Variants in EXOSC7 observed in about 807,000 individuals in gnomAD.
EXOSC7 encodes exosome component 7, also known as exosome complex component RRP42.
EXOSC7 carries 25 observed loss-of-function variants against 34.3 expected under a neutral mutation model. The observed-to-expected ratio is 0.73, with a 90% CI of 0.53 to 1.02. The LOEUF (loss-of-function observed/expected upper bound fraction) is 1.02. Among genes scored for constraint, EXOSC7 ranks in the 50% least tolerant of loss-of-function variants. EXOSC7 has a pLI of 0.00. For synonymous variants in EXOSC7, 130 were observed against 143.0 expected, an observed-to-expected ratio of 0.91 and a Z score of 0.65; for missense variants, 370 against 368.5, an observed-to-expected ratio of 1.00 and a Z score of -0.03.
At chr3:44,996,900 G>T (rs956232310) in intron 3 of EXOSC7, among the ~76,000 whole-genome samples, 187 bp from the exon 4 acceptor site, 7 of 152,214 alleles carry the variant, frequency 4.6e-5, no homozygotes, top group African/African-American at 1.7e-4. Context: ...CACAGTGCTG[G>T]TCTGGTTCAT....
intron 7 of EXOSC7, among the ~76,000 whole-genome samples, chr3:45,008,467 G>A (rs1217648171): frequency 6.6e-6 from 1 of 152,210 alleles, no homozygotes; most frequent in African/African-American, 2.4e-5. Context: ...GCCAAAATGA[G>A]CACTGTATAT....
At position 44,980,482 on chromosome 3, in the gene EXOSC7, C is replaced by T. The variant is rs150093480; in HGVS notation, c.57+4148C>T. ...GGAACTGAGCTCGGGCAGGTTGAGT[C>T]GCTTGTCAAGGTGACACAGTAATTG... On this transcript the variant is annotated intron_variant, in intron 1 of 7. Coordinates refer to ENST00000265564, the MANE Select transcript of EXOSC7 (RefSeq NM_015004.4). Among the ~76,000 whole-genome samples, 317 of 151,008 alleles carry T rather than the reference C, an allele frequency of 2.1e-3. 5 individuals are homozygous for T. The highest frequency in any genetic ancestry group is 0.014 in the East Asian group (73 of 5,140).
chr3:44,985,853 G>T (rs769777651), intron 1 of EXOSC7, among the ~76,000 whole-genome samples: 71 of 152,248 alleles, frequency 4.7e-4, no homozygotes, highest in Non-Finnish European at 9.4e-4. Context: ...GCTGATTGGT[G>T]CGTTTACAAT....
chr3:45,007,600 T>G lies in EXOSC7; in HGVS notation c.771+25T>G, dbSNP rs769254506. On this transcript the variant is annotated intron_variant, in intron 7 of 7. Transcript: ENST00000265564. ...GGTGAGGCCTTAGTTCTGAGGAAGG[T>G]GCAGGGACCTGGCCGGGGTGCCTGC... The G allele has an allele frequency of 1.0e-5, 16 of 1,571,948 alleles. No individual in the cohort carries two copies. In the African/African-American group the frequency reaches 2.0e-4, roughly 20 times the overall value.
At chr3:44,995,219 G>A (rs377741828) in intron 3 of EXOSC7, among the ~76,000 whole-genome samples, 7 of 152,314 alleles carry the variant, frequency 4.6e-5, no homozygotes, top group African/African-American at 1.7e-4. Context: ...CCGACCTCAG[G>A]TGATCCACCC....
chr3:44,988,735 A>C (rs1202311220), intron 1 of EXOSC7, among the ~76,000 whole-genome samples: 1 of 152,158 alleles, frequency 6.6e-6, no homozygotes, highest in Admixed American at 6.5e-5. Flanking sequence ...AGATGATTGT[A>C]CTCTGTAGCT....
chr3:45,007,509 TG>T lies in EXOSC7; in HGVS notation c.706del (p.Val236Ter), dbSNP rs763339227. 6.2e-7 allele frequency: 1 copy of T among 1,613,864 alleles called. No homozygotes were observed. Among genetic ancestry groups the T allele is most frequent in the African/African-American group, 1.3e-5 (1 of 74,906 alleles). ...TGGTGTCGGTGACCAGCAAGGGAGT[TG>T]TGACGTGCATGAGGAAAGTGGGGAA... ...LLVSVTSKGVVTCMRKVGKGS... is the reference protein window; with the variant it reads ...LLVSVTSKGVXTCMRKVGKGS... On this transcript the variant is annotated frameshift_variant, in exon 7 of 8. Coordinates refer to ENST00000265564, the MANE Select transcript of EXOSC7 (RefSeq NM_015004.4). LOFTEE classifies it high-confidence loss of function.
intron 3 of EXOSC7, among the ~76,000 whole-genome samples, chr3:44,996,691 C>A (rs957393792): frequency 2.6e-5 from 4 of 152,180 alleles, no homozygotes; most frequent in African/African-American, 9.7e-5. Context: ...CCTCTGTAAC[C>A]CAGACTGCTT....
chr3:44,986,437 C>T (rs997723200), intron 1 of EXOSC7, among the ~76,000 whole-genome samples: 11 of 152,344 alleles, frequency 7.2e-5, no homozygotes, highest in African/African-American at 1.4e-4. Flanking sequence ...CGCGCTGGCC[C>T]GCAAGCACTG....
Position 45,011,390 on chromosome 3 carries a change from A to G in EXOSC7, c.*51A>G. ...GATTGTTTTTTACTTTTCCTTTTAA[A>G]CCGGTTCGTATATATTTTTCTTCGC... On this transcript the variant is annotated 3_prime_UTR_variant, in exon 8 of 8. Transcript: ENST00000265564. The G allele has an allele frequency of 8.6e-7, 1 of 1,158,172 alleles. No individual in the cohort carries two copies. Among genetic ancestry groups the G allele is most frequent in the Non-Finnish European group, 1.3e-6 (1 of 791,672 alleles). 71.7% of individuals were successfully genotyped at this position (1,158,172 alleles called of 1,614,324 possible). A position where few individuals can be genotyped will look rare whatever the true frequency, so the allele number is the denominator to read the frequency against.
intron 1 of EXOSC7, among the ~76,000 whole-genome samples, chr3:44,984,666 C>T (rs1018789465): frequency 1.3e-5 from 2 of 152,116 alleles, no homozygotes; most frequent in Admixed American, 6.5e-5. Flanking sequence ...TGAACTTGGG[C>T]CATTCATTTG....
At chr3:44,990,961 A>C (rs1706554092) in intron 3 of EXOSC7, among the ~76,000 whole-genome samples, 1 of 152,176 alleles carries the variant, frequency 6.6e-6, no homozygotes, top group African/African-American at 2.4e-5. Context: ...TTGTAGGGTG[A>C]GTTACAGTCT....
At chr3:44,995,459 C>T (rs1196192602) in intron 3 of EXOSC7, among the ~76,000 whole-genome samples, 1 of 152,204 alleles carries the variant, frequency 6.6e-6, no homozygotes, top group Non-Finnish European at 1.5e-5. Context: ...GTGTAAGCAT[C>T]TCTGGCTGGA....
intron 1 of EXOSC7, among the ~76,000 whole-genome samples, chr3:44,983,351 A>G (rs1028610691): frequency 4.6e-5 from 7 of 152,184 alleles, no homozygotes; most frequent in Non-Finnish European, 1.0e-4. Flanking sequence ...TATGTGTTAC[A>G]CTGAAGGACT....
intron 7 of EXOSC7, 34 bp from the exon 8 acceptor site, chr3:45,011,182 AGTGTGTGTGCCTTACAAGG>A: frequency 9.7e-7 from 1 of 1,032,518 alleles, no homozygotes; most frequent in Non-Finnish European, 1.4e-6. Flanking sequence ...TTCTGGTCAG[AGTGTGTGTGCCTTACAAGG>A]GGGTGTGTGC....
intron 3 of EXOSC7, among the ~76,000 whole-genome samples, chr3:44,994,891 G>GTGTGTGTGTGTGTGTT (rs1706678135): frequency 1.3e-5 from 2 of 150,860 alleles, no homozygotes; most frequent in Admixed American, 6.6e-5. Flanking sequence ...GTGTGTGTGT[G>GTGTGTGTGTGTGTGTT]TGTGTGTGTG....
chr3:45,003,371 G>T (rs1424297339), intron 5 of EXOSC7, among the ~76,000 whole-genome samples: 2 of 151,886 alleles, frequency 1.3e-5, no homozygotes, highest in African/African-American at 2.4e-5. Flanking sequence ...GTATGTGTGT[G>T]TGTAAATGGT....
chr3:44,997,903 C>T (rs1706766628), intron 4 of EXOSC7, among the ~76,000 whole-genome samples: 1 of 152,344 alleles, frequency 6.6e-6, no homozygotes, highest in Non-Finnish European at 1.5e-5. Context: ...ACAGAGTCTA[C>T]TCCCCTGGGA....
chr3:44,986,760 G>C (rs929278251), intron 1 of EXOSC7, among the ~76,000 whole-genome samples: 1 of 152,192 alleles, frequency 6.6e-6, no homozygotes, highest in African/African-American at 2.4e-5. Flanking sequence ...AAAGTTAAAC[G>C]GGTGAAAGAC....
Sources: allele counts gnomAD v4.1 joint callset (sites outside exome capture counted in the v4.1 genomes callset), GRCh38; gene constraint gnomAD v4.1.1; transcripts MANE v1.5; gene names NCBI Gene and HGNC (gene_info 2026-07-23, HGNC 2026-07-21).